Variants in AGBL3 observed in about 807,000 individuals in gnomAD.
The protein encoded by AGBL3 is cytosolic carboxypeptidase 3.
A neutral mutation model predicts 94.5 loss-of-function variants in AGBL3; 68 were observed. The ratio of observed to expected loss-of-function variants is 0.72; its 90% confidence interval spans 0.59 to 0.88. The LOEUF is 0.88. AGBL3 is among the 40% of genes least tolerant of loss of function. The pLI is 0.00. For synonymous variants in AGBL3, 354 were observed against 370.7 expected, an observed-to-expected ratio of 0.95 and a Z score of 0.52; for missense variants, 934 against 1,103.8, an observed-to-expected ratio of 0.85 and a Z score of 2.18.
At chr7:135,097,525 T>A (rs897920287) in intron 15 of AGBL3, among the ~76,000 whole-genome samples, 1 of 152,220 alleles carries the variant, frequency 6.6e-6, no homozygotes. Context: ...ATGTAAATTT[T>A]GGCATGTTTC....
chr7:135,020,239 G>C lies in AGBL3; in HGVS notation c.418+3080G>C, dbSNP rs568826485. Among the ~76,000 whole-genome samples, 4 of 151,858 alleles carry C rather than the reference G, an allele frequency of 2.6e-5. No homozygotes were observed. The East Asian group carries it at 7.8e-4, about 29-fold the overall frequency. ...AAGAAAAAAACAACCCCATCAACAAGTGGGTGAAGGATATGAACAGACACT... is the reference window on the plus strand; with the variant it reads ...AAGAAAAAAACAACCCCATCAACAACTGGGTGAAGGATATGAACAGACACT... On this transcript the variant is annotated intron_variant, in intron 5 of 16. Transcript: ENST00000436302.
intron 1 of AGBL3, among the ~76,000 whole-genome samples, chr7:134,987,175 G>C (rs903250897): frequency 6.6e-6 from 1 of 152,226 alleles, no homozygotes; most frequent in Non-Finnish European, 1.5e-5. Flanking sequence ...CTTATATGTA[G>C]TCCACGCTCC....
intron 8 of AGBL3, among the ~76,000 whole-genome samples, chr7:135,040,562 AT>A (rs1563208432): frequency 6.8e-6 from 1 of 147,154 alleles, no homozygotes; most frequent in East Asian, 1.9e-4. Flanking sequence ...TTTTAACACA[AT>A]TCAGCATCTT....
chr7:135,074,635 A>G (rs562791484), intron 12 of AGBL3, among the ~76,000 whole-genome samples: 2 of 152,284 alleles, frequency 1.3e-5, no homozygotes, highest in East Asian at 3.9e-4. Flanking sequence ...TTAAAGGATT[A>G]TACTCAAATA....
chr7:135,007,350 G>C (rs1249837377), intron 4 of AGBL3, among the ~76,000 whole-genome samples: 2 of 151,884 alleles, frequency 1.3e-5, no homozygotes, highest in African/African-American at 4.8e-5. Context: ...TGAACAAGTG[G>C]AATCTATCCA....
At chr7:135,099,635 T>C (rs987091748) in intron 15 of AGBL3, among the ~76,000 whole-genome samples, 16 of 152,266 alleles carry the variant, frequency 1.1e-4, no homozygotes, top group African/African-American at 3.8e-4. Flanking sequence ...CTCTGTCTTA[T>C]AAGATTTTGA....
At chr7:135,079,168 AAGAGATGGG>A (rs1245359933) in intron 13 of AGBL3, among the ~76,000 whole-genome samples, 1 of 152,172 alleles carries the variant, frequency 6.6e-6, no homozygotes, top group Non-Finnish European at 1.5e-5. Flanking sequence ...CATTTCACTT[AAGAGATGGG>A]AGCTAAAAAT....
intron 4 of AGBL3, among the ~76,000 whole-genome samples, chr7:135,001,250 A>C (rs1269431380): frequency 6.6e-6 from 1 of 152,172 alleles, no homozygotes. Context: ...GGATATCACC[A>C]ACAGATTTTG....
intron 12 of AGBL3, among the ~76,000 whole-genome samples, chr7:135,068,080 G>A (rs1052474714): frequency 1.5e-4 from 23 of 152,202 alleles, no homozygotes; most frequent in South Asian, 4.1e-4. Flanking sequence ...CAAGAACTAC[G>A]TGATGAATGC....
Position 135,034,651 on chromosome 7 carries a change from C to A in AGBL3, c.1060C>A (p.Arg354=). ...CTTGAAGAACTCTGACTCAAGAAAG[C>A]GGAAGGCTGTGATTCTGACTGCAAG... ...TPLKNSDSRK[R]KAVILTARVH... The change falls in exon 7 of 17, where the codon CGG becomes AGG. Residue 354 remains arginine, a synonymous_variant. Transcript: ENST00000436302. The A allele has an allele frequency of 6.4e-7, 1 of 1,551,592 alleles. No individual in the cohort carries two copies. The highest frequency in any genetic ancestry group is 1.2e-5 in the South Asian group (1 of 84,058).
chr7:135,127,838 G>A (rs957990949), intron 16 of AGBL3, among the ~76,000 whole-genome samples: 1 of 152,050 alleles, frequency 6.6e-6, no homozygotes, highest in African/African-American at 2.4e-5. Context: ...TATACCCAAA[G>A]GAATATAAAT....
intron 1 of AGBL3, among the ~76,000 whole-genome samples, chr7:134,987,639 A>G (rs962884569): frequency 1.3e-5 from 2 of 152,198 alleles, no homozygotes; most frequent in African/African-American, 4.8e-5. Flanking sequence ...TATACTCTGG[A>G]AATTCCTTTT....
At chr7:135,128,054 G>A (rs552995074) in intron 16 of AGBL3, among the ~76,000 whole-genome samples, 1 of 152,102 alleles carries the variant, frequency 6.6e-6, no homozygotes, top group African/African-American at 2.4e-5. Flanking sequence ...AGCTCTTTGG[G>A]AGGCCAAGGT....
At chr7:135,040,287 A>G (rs1175927303) in intron 8 of AGBL3, among the ~76,000 whole-genome samples, 2 of 152,206 alleles carry the variant, frequency 1.3e-5, no homozygotes, top group Non-Finnish European at 2.9e-5. Context: ...CGGGATTACC[A>G]TGATACCAAC....
intron 4 of AGBL3, among the ~76,000 whole-genome samples, chr7:134,998,481 C>G (rs1220108903): frequency 6.6e-6 from 1 of 152,112 alleles, no homozygotes; most frequent in East Asian, 1.9e-4. Context: ...CTATTTTTCA[C>G]TTGTCATAAT....
At chr7:135,020,789 C>T (rs1210016541) in intron 5 of AGBL3, among the ~76,000 whole-genome samples, 1 of 151,854 alleles carries the variant, frequency 6.6e-6, no homozygotes, top group Non-Finnish European at 1.5e-5. Flanking sequence ...AACCATCATT[C>T]TGAGCAAAGT....
At chr7:135,021,722 A>ATC (rs1814505835) in intron 5 of AGBL3, among the ~76,000 whole-genome samples, 1 of 147,598 alleles carries the variant, frequency 6.8e-6, no homozygotes, top group African/African-American at 2.5e-5. Context: ...TTACACAGGT[A>ATC]TCTGTGTGCC....
intron 8 of AGBL3, among the ~76,000 whole-genome samples, chr7:135,042,969 G>C (rs532807886): frequency 1.6e-4 from 25 of 152,206 alleles, no homozygotes; most frequent in African/African-American, 6.0e-4. Flanking sequence ...TTTATCGTAT[G>C]TTACTGAAAA....
intron 11 of AGBL3, among the ~76,000 whole-genome samples, chr7:135,050,392 T>C (rs1817762177): frequency 7.6e-6 from 1 of 131,032 alleles, no homozygotes. Flanking sequence ...ATATGTCTGT[T>C]AGATCCATTT....
Sources: gnomAD v4.1 joint callset for allele counts (sites outside exome capture counted in the v4.1 genomes callset) on GRCh38, gnomAD v4.1.1 for gene constraint, MANE v1.5 for transcripts, NCBI Gene and HGNC (gene_info 2026-07-23, HGNC 2026-07-21) for gene names.